The following FHIT variants were observed in gnomAD, a reference collection of about 807,000 sequenced individuals.
FHIT encodes the protein bis(5'-adenosyl)-triphosphatase.
In FHIT, 19 loss-of-function variants were observed where a neutral mutation model predicts 17.9. That is an observed-to-expected ratio of 1.06 (90% CI 0.74 to 1.56). FHIT has a LOEUF of 1.56. FHIT is among the 40% of genes most tolerant of loss of function. The pLI, the probability that FHIT is intolerant of heterozygous loss-of-function variation, is 0.00. For missense variants in FHIT, 248 were observed against 189.2 expected (o/e 1.31, Z -1.82); for synonymous variants, 81 against 69.7 (o/e 1.16, Z -0.81).
intron 4 of FHIT, among the ~76,000 whole-genome samples, chr3:60,727,235 T>C (rs781966845): frequency 6.6e-5 from 10 of 152,026 alleles, no homozygotes; most frequent in East Asian, 1.9e-4. Context: ...AAGCTCACAA[T>C]ATAATAAAAG....
At chr3:60,128,828 G>A (rs1303665976) in intron 5 of FHIT, among the ~76,000 whole-genome samples, 1 of 152,110 alleles carries the variant, frequency 6.6e-6, no homozygotes, top group Non-Finnish European at 1.5e-5. Flanking sequence ...CCTCCTCTGA[G>A]GCAAGCTCCC....
intron 5 of FHIT, among the ~76,000 whole-genome samples, chr3:60,042,177 AT>A (rs1470230684): frequency 1.3e-5 from 2 of 152,218 alleles, no homozygotes; most frequent in Non-Finnish European, 2.9e-5. Context: ...AGGAAAAGGC[AT>A]TAGAAATTTA....
At chr3:59,762,709 G>A (rs1201964041) in intron 8 of FHIT, among the ~76,000 whole-genome samples, 4 of 152,180 alleles carry the variant, frequency 2.6e-5, no homozygotes, top group South Asian at 2.1e-4. Context: ...CTCTAAGCCC[G>A]GAGGGCCCTG....
intron 3 of FHIT, among the ~76,000 whole-genome samples, chr3:60,966,186 G>C (rs1373714882): frequency 6.6e-6 from 1 of 152,186 alleles, no homozygotes; most frequent in African/African-American, 2.4e-5. Context: ...TTCGAACTCA[G>C]ACTGCTGTGC....
intron 5 of FHIT, among the ~76,000 whole-genome samples, chr3:60,099,335 T>C (rs1412775584): frequency 6.6e-6 from 1 of 152,162 alleles, no homozygotes; most frequent in Non-Finnish European, 1.5e-5. Flanking sequence ...GCTAATTTGG[T>C]GTCAGGAACT....
At chr3:60,651,285 C>A (rs2039984655) in intron 4 of FHIT, among the ~76,000 whole-genome samples, 1 of 152,128 alleles carries the variant, frequency 6.6e-6, no homozygotes, top group South Asian at 2.1e-4. Context: ...AAGTTTATAA[C>A]AAATTTTGTT....
intron 5 of FHIT, among the ~76,000 whole-genome samples, chr3:60,364,957 A>C (rs1279386135): frequency 2.0e-5 from 3 of 152,090 alleles, no homozygotes; most frequent in African/African-American, 4.8e-5. Flanking sequence ...TTGGTTATCC[A>C]GCTTTCAGAG....
chr3:61,187,720 G>T (rs1006420481), intron 2 of FHIT, among the ~76,000 whole-genome samples: 1 of 152,066 alleles, frequency 6.6e-6, no homozygotes, highest in Non-Finnish European at 1.5e-5. Flanking sequence ...ACAGAAATTA[G>T]AAGAAACTGT....
intron 5 of FHIT, among the ~76,000 whole-genome samples, chr3:60,242,053 T>G (rs1400048421): frequency 6.6e-6 from 1 of 152,092 alleles, no homozygotes; most frequent in African/African-American, 2.4e-5. Flanking sequence ...AGGGTGTGTA[T>G]GTAATTACAC....
chr3:59,971,257 C>T (rs6446101), intron 7 of FHIT, among the ~76,000 whole-genome samples: 3 of 151,834 alleles, frequency 2.0e-5, no homozygotes, highest in African/African-American at 4.8e-5. Context: ...ACAGGGAATA[C>T]GAAATCTTTG....
At chr3:61,082,075 A>G (rs932489764) in intron 2 of FHIT, among the ~76,000 whole-genome samples, 1 of 148,592 alleles carries the variant, frequency 6.7e-6, no homozygotes, top group Non-Finnish European at 1.5e-5. Context: ...TTGCTCCAAT[A>G]GATTCTCCAA....
chr3:60,768,790 C>G (rs536255758), intron 4 of FHIT, among the ~76,000 whole-genome samples: 3 of 152,300 alleles, frequency 2.0e-5, no homozygotes, highest in South Asian at 2.1e-4. Flanking sequence ...CCAGATTGCT[C>G]TGCATTCTCT....
intron 5 of FHIT, among the ~76,000 whole-genome samples, chr3:60,379,336 A>G (rs1700706795): frequency 6.6e-6 from 1 of 152,000 alleles, no homozygotes; most frequent in Admixed American, 6.6e-5. Context: ...AATTAACCAA[A>G]CCTCCCCCAA....
At chr3:60,516,693 G>A (rs1170611364) in intron 5 of FHIT, among the ~76,000 whole-genome samples, 2 of 152,168 alleles carry the variant, frequency 1.3e-5, no homozygotes, top group African/African-American at 2.4e-5. Context: ...CAAATGCCTA[G>A]AACAATCTCA....
chr3:61,096,104 A>G (rs1458384373), intron 2 of FHIT, among the ~76,000 whole-genome samples: 1 of 152,184 alleles, frequency 6.6e-6, no homozygotes, highest in African/African-American at 2.4e-5. Flanking sequence ...CATAACCAAG[A>G]GCTTTTCACC....
In FHIT at chr3:59,836,708, G is replaced by A. The variant is rs186427001; in HGVS notation, c.349-84387C>T. Among the ~76,000 whole-genome samples, 117 of 152,276 alleles carry A rather than the reference G, an allele frequency of 7.7e-4. No homozygotes were observed. In the East Asian group the frequency reaches 8.3e-3, roughly 11 times the overall value. The stretch of plus-strand genomic sequence containing the variant: ...AATTTTTGAGAGTAATTGGGCCCAG[G>A]CTGTTAACAGGTGCAGCCACTTCCT... On this transcript the variant is annotated intron_variant, in intron 8 of 9. Coordinates refer to ENST00000492590, the MANE Select transcript of FHIT (RefSeq NM_002012.4).
chr3:61,213,127 A>T (rs4688358), intron 1 of FHIT, among the ~76,000 whole-genome samples: 59,386 of 151,998 alleles, frequency 0.39, 11,899 homozygotes, highest in East Asian at 0.52. Context: ...CTAACATCAT[A>T]ATGACAGGAT....
At chr3:61,120,921 AAC>A (rs2036439561) in intron 2 of FHIT, among the ~76,000 whole-genome samples, 1 of 151,942 alleles carries the variant, frequency 6.6e-6, no homozygotes, top group African/African-American at 2.4e-5. Flanking sequence ...GGAGCTGAAA[AAC>A]ACAGCATGAG....
intron 5 of FHIT, among the ~76,000 whole-genome samples, chr3:60,522,078 G>T (rs1823242): frequency 0.85 from 128,093 of 150,716 alleles, 55,130 homozygotes; most frequent in Non-Finnish European, 0.92. Flanking sequence ...TTTACTTTAA[G>T]TGAAAGAAAC....
Sources: gnomAD v4.1 joint callset for allele counts (sites outside exome capture counted in the v4.1 genomes callset) on GRCh38, gnomAD v4.1.1 for gene constraint, MANE v1.5 for transcripts, NCBI Gene and HGNC (gene_info 2026-07-23, HGNC 2026-07-21) for gene names.